NEK11: variants seen among roughly 807,000 people sequenced by gnomAD.
NEK11 encodes the protein NIMA related kinase 11, also known as serine/threonine-protein kinase Nek11.
NEK11 carries 72 observed loss-of-function variants against 80.7 expected under a neutral mutation model. That is an observed-to-expected ratio of 0.89 (90% CI 0.74 to 1.08). The LOEUF (loss-of-function observed/expected upper bound fraction) is 1.08, where lower values mean the gene tolerates loss of function less well. Ranked by LOEUF, NEK11 falls within the 50% of genes least tolerant of loss-of-function variation. The pLI is 0.00. For synonymous variants in NEK11, 251 were observed against 260.7 expected, an observed-to-expected ratio of 0.96 and a Z score of 0.36; for missense variants, 764 against 763.6, an observed-to-expected ratio of 1.00 and a Z score of -0.01.
At chr3:131,041,471 G>A (rs2066456003) in intron 3 of NEK11, among the ~76,000 whole-genome samples, 1 of 151,950 alleles carries the variant, frequency 6.6e-6, no homozygotes, top group South Asian at 2.1e-4. Flanking sequence ...GCTTATTTTG[G>A]CATTATTTTG....
In NEK11 at chr3:131,027,326, T is replaced by G. The variant is rs1385725657; in HGVS notation, c.-170+320T>G. On this transcript the variant is annotated intron_variant, in intron 1 of 17. Transcript: ENST00000383366. ...GACAAATTGCCTTCCTCTTATTACC[T>G]GGGAAGATAACTACTGGTTTTCAAC... 2.0e-5 allele frequency: 3 copies of G among 152,314 alleles called. 1 individual carries two copies. Among genetic ancestry groups the G allele is most frequent in the South Asian group, 4.1e-4 (2 of 4,824 alleles). The allele number at this position is 152,314 out of a possible 1,614,324, so 9.4% of individuals were successfully genotyped here. A position where few individuals can be genotyped will look rare whatever the true frequency, so the allele number is the denominator to read the frequency against.
At chr3:131,248,510 C>A (rs1325789690) in intron 16 of NEK11, among the ~76,000 whole-genome samples, 1 of 152,086 alleles carries the variant, frequency 6.6e-6, no homozygotes, top group Non-Finnish European at 1.5e-5. Flanking sequence ...GCCTTTCTTT[C>A]TTACAGCCTG....
intron 3 of NEK11, among the ~76,000 whole-genome samples, chr3:131,030,990 T>C (rs2064756974): frequency 6.6e-6 from 1 of 152,194 alleles, no homozygotes; most frequent in African/African-American, 2.4e-5. Context: ...TTTCATCCCA[T>C]AATATATTGT....
At chr3:131,317,664 AC>A (rs2096854091) in intron 17 of NEK11, among the ~76,000 whole-genome samples, 1 of 150,830 alleles carries the variant, frequency 6.6e-6, no homozygotes, top group South Asian at 2.1e-4. Flanking sequence ...GGAGGCTGAG[AC>A]GGGAGAATTG....
At chr3:131,334,010 A>T (rs1048025005) in intron 17 of NEK11, among the ~76,000 whole-genome samples, 2 of 152,144 alleles carry the variant, frequency 1.3e-5, no homozygotes, top group African/African-American at 4.8e-5. Flanking sequence ...CTCCCACACA[A>T]TAATAATGGG....
chr3:131,139,353 GAAAA>G (rs71622003), intron 7 of NEK11, among the ~76,000 whole-genome samples: 3 of 107,564 alleles, frequency 2.8e-5, no homozygotes, highest in Non-Finnish European at 5.3e-5. Context: ...AGAGAAAAAA[GAAAA>G]AAAAAAAAAA....
chr3:131,085,330 C>T (rs961647533), intron 4 of NEK11, among the ~76,000 whole-genome samples: 1 of 152,118 alleles, frequency 6.6e-6, no homozygotes, highest in African/African-American at 2.4e-5. Context: ...AAGGGACTTT[C>T]CAAAAGCCAT....
intron 17 of NEK11, 104 bp from the exon 18 acceptor site, chr3:131,349,453 T>C (rs2097421690): frequency 5.1e-6 from 5 of 973,866 alleles, no homozygotes; most frequent in African/African-American, 1.6e-5. Context: ...TTTTTCTAAA[T>C]CCCAGAATGA....
chr3:131,118,437 T>G (rs1411761234), intron 5 of NEK11, among the ~76,000 whole-genome samples: 1 of 152,168 alleles, frequency 6.6e-6, no homozygotes, highest in East Asian at 1.9e-4. Context: ...AAAATTCTCT[T>G]TTTTTGTTGT....
chr3:131,185,686 C>T (rs1046181137), intron 14 of NEK11, among the ~76,000 whole-genome samples: 3 of 152,168 alleles, frequency 2.0e-5, no homozygotes, highest in African/African-American at 7.2e-5. Context: ...TGAGCCATTC[C>T]ATATGCTTGA....
At chr3:131,235,534 G>A (rs996262900) in intron 15 of NEK11, among the ~76,000 whole-genome samples, 34 of 152,126 alleles carry the variant, frequency 2.2e-4, no homozygotes, top group Admixed American at 2.2e-3. Flanking sequence ...GGAGGAAAGG[G>A]TTGTGACACA....
intron 14 of NEK11, among the ~76,000 whole-genome samples, chr3:131,185,179 G>A (rs1322932642): frequency 6.6e-6 from 1 of 152,136 alleles, no homozygotes; most frequent in Non-Finnish European, 1.5e-5. Context: ...AGGCCTAGTA[G>A]GGCCATTACG....
chr3:131,028,484 T>C (rs1362268183), intron 2 of NEK11, among the ~76,000 whole-genome samples: 1 of 152,254 alleles, frequency 6.6e-6, no homozygotes, highest in African/African-American at 2.4e-5. Flanking sequence ...ACAAAACATT[T>C]AACATTCTGA....
chr3:131,119,229 G>C (rs896411544), intron 5 of NEK11, among the ~76,000 whole-genome samples: 8 of 152,024 alleles, frequency 5.3e-5, no homozygotes, highest in Admixed American at 1.3e-4. Context: ...TGTTATGTAC[G>C]CAGTAGTCAT....
At chr3:131,263,983 A>G (rs1435723161) in intron 16 of NEK11, among the ~76,000 whole-genome samples, 1 of 151,992 alleles carries the variant, frequency 6.6e-6, no homozygotes, top group Non-Finnish European at 1.5e-5. Context: ...GCATTTTTTC[A>G]TGTGTCTGTT....
At chr3:131,148,831 T>G (rs762670881) in intron 7 of NEK11, among the ~76,000 whole-genome samples, 5 of 151,610 alleles carry the variant, frequency 3.3e-5, no homozygotes, top group Non-Finnish European at 7.4e-5. Context: ...ACAAAATAGG[T>G]AGTTTTTTTT....
intron 3 of NEK11, among the ~76,000 whole-genome samples, chr3:131,037,974 C>T (rs1020998144): frequency 2.6e-5 from 4 of 151,974 alleles, no homozygotes; most frequent in Middle Eastern, 3.4e-3. Flanking sequence ...TGGTTTACGC[C>T]GTGGAGAGTT....
At chr3:131,057,499 C>T (rs1211994772) in intron 3 of NEK11, among the ~76,000 whole-genome samples, 12 of 150,826 alleles carry the variant, frequency 8.0e-5, no homozygotes, top group African/African-American at 2.4e-4. Context: ...TTTACAGTCC[C>T]ACCAACAGTG....
intron 15 of NEK11, among the ~76,000 whole-genome samples, chr3:131,231,242 C>T (rs2095324621): frequency 6.8e-6 from 1 of 147,894 alleles, no homozygotes; most frequent in South Asian, 2.1e-4. Context: ...CGCTCTGTTG[C>T]CCAGACTGGA....
Sources: allele counts gnomAD v4.1 joint callset (sites outside exome capture counted in the v4.1 genomes callset), GRCh38; gene constraint gnomAD v4.1.1; transcripts MANE v1.5; gene names NCBI Gene and HGNC (gene_info 2026-07-23, HGNC 2026-07-21).